The following SAMD5 variants were observed in gnomAD, a reference collection of about 807,000 sequenced individuals.
The protein encoded by SAMD5 is sterile alpha motif domain containing 5.
A neutral mutation model predicts 11.3 loss-of-function variants in SAMD5; 13 were observed. The observed-to-expected ratio is 1.15, with a 90% CI of 0.75 to 1.83. The LOEUF (loss-of-function observed/expected upper bound fraction) is 1.83. Among genes scored for constraint, SAMD5 ranks in the 40% most tolerant of loss-of-function variants. The probability of loss-of-function intolerance (pLI) is 0.00; values close to 1 mark genes in which losing one functional copy is unlikely to be tolerated. For synonymous variants in SAMD5, 129 were observed against 111.3 expected, an observed-to-expected ratio of 1.16 and a Z score of -1.00; for missense variants, 255 against 239.1, an observed-to-expected ratio of 1.07 and a Z score of -0.44.
the SAMD5 span, among the ~76,000 whole-genome samples, chr6:147,919,403 C>T: frequency 7.2e-5 from 11 of 152,172 alleles, no homozygotes; most frequent in Middle Eastern, 3.4e-3. Flanking sequence ...AGAAACCATG[C>T]GCTAGCAGTT....
At chr6:147,870,645 T>TA in the SAMD5 span, among the ~76,000 whole-genome samples, 6 of 149,972 alleles carry the variant, frequency 4.0e-5, no homozygotes, top group Non-Finnish European at 8.9e-5. Flanking sequence ...TTAACTTGAA[T>TA]AAAAAAAATT....
the SAMD5 span, among the ~76,000 whole-genome samples, chr6:147,924,361 C>T: frequency 6.6e-6 from 1 of 151,902 alleles, no homozygotes; most frequent in Non-Finnish European, 1.5e-5. Flanking sequence ...AATGAGTAGG[C>T]TTATAGGGTG....
chr6:147,919,063 A>G, the SAMD5 span, among the ~76,000 whole-genome samples: 3 of 152,170 alleles, frequency 2.0e-5, no homozygotes, highest in African/African-American at 7.2e-5. Flanking sequence ...AATAAGGAGG[A>G]CAATCCAATC....
chr6:147,909,602 T>C, the SAMD5 span, among the ~76,000 whole-genome samples: 65 of 57,460 alleles, frequency 1.1e-3, no homozygotes, highest in African/African-American at 6.0e-3. Flanking sequence ...CTTTCTTTCT[T>C]TCTTTCTTTC....
intron 1 of SAMD5, among the ~76,000 whole-genome samples, chr6:147,620,344 C>CT (rs2128450137): frequency 6.6e-6 from 1 of 152,356 alleles, no homozygotes; most frequent in East Asian, 1.9e-4. Flanking sequence ...CGTACGACCC[C>CT]TTACCCAGCC....
chr6:147,941,107 T>G, the SAMD5 span, among the ~76,000 whole-genome samples: 34 of 152,252 alleles, frequency 2.2e-4, no homozygotes, highest in Non-Finnish European at 2.6e-4. Context: ...TTCAAGTTAC[T>G]AGTATGTATA....
chr6:147,572,589 C>T (rs1789153127), downstream of SAMD5, among the ~76,000 whole-genome samples: 1 of 152,024 alleles, frequency 6.6e-6, no homozygotes, highest in South Asian at 2.1e-4. Flanking sequence ...GATCCTCCCA[C>T]CTCAGACTCC....
intron 1 of SAMD5, among the ~76,000 whole-genome samples, chr6:147,539,060 C>CA (rs1297875809): frequency 6.6e-6 from 1 of 152,116 alleles, no homozygotes; most frequent in Non-Finnish European, 1.5e-5. Context: ...CTTGGAGCAA[C>CA]AGGGCTAGGA....
the SAMD5 span, among the ~76,000 whole-genome samples, chr6:147,793,238 A>C: frequency 6.6e-6 from 1 of 152,156 alleles, no homozygotes; most frequent in Non-Finnish European, 1.5e-5. Context: ...TATCCCCCCC[A>C]AATCCATAAT....
chr6:147,716,643 T>C (rs1791472703), intron 1 of SAMD5, among the ~76,000 whole-genome samples: 1 of 152,208 alleles, frequency 6.6e-6, no homozygotes, highest in Non-Finnish European at 1.5e-5. Flanking sequence ...GTCGGCTCTG[T>C]GGAGCACCCA....
intron 1 of SAMD5, among the ~76,000 whole-genome samples, chr6:147,583,797 G>A (rs9497811): frequency 0.056 from 8,067 of 143,754 alleles, 650 homozygotes; most frequent in African/African-American, 0.19. Context: ...CCTGATAAAA[G>A]GGAAAAAAGT....
chr6:147,892,020 C>T, the SAMD5 span, among the ~76,000 whole-genome samples: 1 of 152,096 alleles, frequency 6.6e-6, no homozygotes, highest in Admixed American at 6.5e-5. Flanking sequence ...CTCCTGATGC[C>T]GAGTCCAGTC....
At chr6:147,596,335 T>C in intron 1 of SAMD5, among the ~76,000 whole-genome samples, 1 of 152,350 alleles carries the variant, frequency 6.6e-6, no homozygotes, top group Admixed American at 6.5e-5. Flanking sequence ...AACTTTCTTA[T>C]AAAATATTCT....
chr6:147,587,956 C>G (rs1789399177), intron 1 of SAMD5, among the ~76,000 whole-genome samples: 1 of 152,164 alleles, frequency 6.6e-6, no homozygotes, highest in Admixed American at 6.5e-5. Context: ...GTGTTTGAAG[C>G]TTTGCATTTT....
chr6:147,816,890 A>T, the SAMD5 span, among the ~76,000 whole-genome samples: 1 of 152,198 alleles, frequency 6.6e-6, no homozygotes, highest in Non-Finnish European at 1.5e-5. Context: ...ATAAAAGATA[A>T]GTTTATCCAT....
chr6:147,615,432 C>G (rs1428569485), intron 1 of SAMD5, among the ~76,000 whole-genome samples: 1 of 152,134 alleles, frequency 6.6e-6, no homozygotes, highest in East Asian at 1.9e-4. Context: ...TAGTTATTAA[C>G]TTAAAAATAA....
the SAMD5 span, among the ~76,000 whole-genome samples, chr6:147,838,534 C>CCA: frequency 7.1e-6 from 1 of 140,860 alleles, no homozygotes; most frequent in Admixed American, 7.0e-5. Context: ...ATATCCTGCC[C>CCA]CCCCCCCGTA....
intron 1 of SAMD5, among the ~76,000 whole-genome samples, chr6:147,598,477 C>T (rs1789569015): frequency 6.6e-6 from 1 of 152,058 alleles, no homozygotes; most frequent in Non-Finnish European, 1.5e-5. Flanking sequence ...TTTTTGGCAG[C>T]AATATAGTAC....
At chr6:147,821,658 G>A in the SAMD5 span, among the ~76,000 whole-genome samples, 75 of 152,194 alleles carry the variant, frequency 4.9e-4, no homozygotes, top group Non-Finnish European at 1.0e-3. Context: ...CAGACAGATT[G>A]CAATTTTCAC....
Sources: allele counts gnomAD v4.1 joint callset (sites outside exome capture counted in the v4.1 genomes callset), GRCh38; gene constraint gnomAD v4.1.1; transcripts MANE v1.5; gene names NCBI Gene and HGNC (gene_info 2026-07-23, HGNC 2026-07-21).